The following WDR41 variants were observed in gnomAD, a reference collection of about 807,000 sequenced individuals.
The protein encoded by WDR41 is WD repeat-containing protein 41.
In WDR41, 63 loss-of-function variants were observed where a neutral mutation model predicts 69.3. The observed-to-expected ratio is 0.91, with a 90% CI of 0.74 to 1.12. The LOEUF (loss-of-function observed/expected upper bound fraction) is 1.12, where lower values mean the gene tolerates loss of function less well. Among genes scored for constraint, WDR41 ranks in the 50% most tolerant of loss-of-function variants. WDR41 has a pLI of 0.00. For missense variants in WDR41, 543 were observed against 534.5 expected, an observed-to-expected ratio of 1.02 and a Z score of -0.16; for synonymous variants, 185 against 192.1, an observed-to-expected ratio of 0.96 and a Z score of 0.31.
chr5:77,538,302 C>T (rs1376811290), intron 1 of WDR41, among the ~76,000 whole-genome samples: 1 of 152,216 alleles, frequency 6.6e-6, no homozygotes, highest in Non-Finnish European at 1.5e-5. Context: ...ATAACTTCCA[C>T]TTCCACTTTT....
At chr5:77,575,686 G>A (rs1231460047) in intron 1 of WDR41, among the ~76,000 whole-genome samples, 4 of 152,014 alleles carry the variant, frequency 2.6e-5, no homozygotes, top group African/African-American at 9.7e-5. Context: ...CAGCATACAG[G>A]AAAAATGCTA....
chr5:77,587,561 G>A (rs917830347), intron 1 of WDR41, among the ~76,000 whole-genome samples: 2 of 152,148 alleles, frequency 1.3e-5, no homozygotes, highest in Non-Finnish European at 2.9e-5. Context: ...TATATGAAGT[G>A]TTATCTTTTG....
At chr5:77,469,733 A>C (rs1354680084) in intron 2 of WDR41, among the ~76,000 whole-genome samples, 1 of 96,100 alleles carries the variant, frequency 1.0e-5, no homozygotes, top group Non-Finnish European at 1.9e-5. Flanking sequence ...TTTAGAGAAA[A>C]AAAGGATAAA....
chr5:77,596,874 G>T (rs1744237429), intron 1 of WDR41, among the ~76,000 whole-genome samples: 1 of 151,994 alleles, frequency 6.6e-6, no homozygotes, highest in South Asian at 2.1e-4. Context: ...TAGCACTTTG[G>T]GAGGGAGGTT....
upstream of WDR41, chr5:77,492,352 G>C (rs867289110): frequency 1.6e-6 from 2 of 1,239,846 alleles, no homozygotes; most frequent in African/African-American, 1.5e-5. Flanking sequence ...ATCAGCCCAC[G>C]GGCCGAAGGA....
At chr5:77,594,521 A>G (rs1744191606) in intron 1 of WDR41, among the ~76,000 whole-genome samples, 2 of 152,308 alleles carry the variant, frequency 1.3e-5, no homozygotes, top group South Asian at 4.1e-4. Context: ...GATTTTTAAA[A>G]TTTCTAACAA....
rs561144591 is a variant in WDR41 at position 77,500,106 on chromosome 5, C to T, written c.43-10534G>A. ...AGCTCACATGGAAAAATATAATCAA[C>T]GGTTGCCAATGACAAAACTACAGAT... On this transcript the variant is annotated intron_variant, in intron 1 of 5. Transcript: ENST00000509971. Among the ~76,000 whole-genome samples, 18 of 152,250 alleles carry T rather than the reference C, an allele frequency of 1.2e-4. 1 individual carries two copies. In the South Asian group the frequency reaches 2.7e-3, roughly 23 times the overall value.
At chr5:77,605,830 T>TA (rs1173262475) in intron 1 of WDR41, among the ~76,000 whole-genome samples, 7 of 151,974 alleles carry the variant, frequency 4.6e-5, no homozygotes, top group Non-Finnish European at 7.4e-5. Context: ...ATATGATAGG[T>TA]AAAAAAACTT....
At chr5:77,488,048 T>G (rs965469333) in intron 2 of WDR41, among the ~76,000 whole-genome samples, 3 of 152,194 alleles carry the variant, frequency 2.0e-5, no homozygotes, top group African/African-American at 7.2e-5. Flanking sequence ...ATAATAAAAC[T>G]GTAATCCTGT....
intron 1 of WDR41, among the ~76,000 whole-genome samples, chr5:77,532,951 G>A (rs552927630): frequency 2.0e-5 from 3 of 152,060 alleles, no homozygotes; most frequent in South Asian, 2.1e-4. Flanking sequence ...CTAAATTTTT[G>A]CTTTTTAATA....
At chr5:77,485,667 T>G (rs1801485036) in intron 2 of WDR41, among the ~76,000 whole-genome samples, 1 of 152,214 alleles carries the variant, frequency 6.6e-6, no homozygotes, top group African/African-American at 2.4e-5. Context: ...CAGCCCATTT[T>G]TTGGAAGACT....
chr5:77,432,820 A>AGT lies in WDR41; in HGVS notation c.*314_*315insAC, dbSNP rs1189572944. 1 of 198,766 alleles carries AGT rather than the reference A, an allele frequency of 5.0e-6. No individual in the cohort carries two copies. The highest frequency in any genetic ancestry group is 1.0e-5 in the Non-Finnish European group (1 of 99,566). 12.3% of individuals were successfully genotyped at this position (198,766 alleles called of 1,614,324 possible). A position where few individuals can be genotyped will look rare whatever the true frequency, so the allele number is the denominator to read the frequency against. On this transcript the variant is annotated 3_prime_UTR_variant, in exon 13 of 13. Coordinates refer to ENST00000296679, the MANE Select transcript of WDR41 (RefSeq NM_018268.4). The stretch of plus-strand genomic sequence containing the variant: ...AATAAAACTTCTAATAAATGCCATA[A>AGT]CTTAACTATTACCTCTATTTGTACC...
intron 8 of WDR41, among the ~76,000 whole-genome samples, chr5:77,442,178 C>A (rs1229090885): frequency 6.6e-6 from 1 of 152,070 alleles, no homozygotes; most frequent in Non-Finnish European, 1.5e-5. Context: ...TCCAACAATT[C>A]CACTTCTAGG....
intron 1 of WDR41, among the ~76,000 whole-genome samples, chr5:77,608,326 T>C (rs1744467403): frequency 6.6e-6 from 1 of 152,206 alleles, no homozygotes; most frequent in African/African-American, 2.4e-5. Flanking sequence ...ATCAAGCTGT[T>C]ACCACTTCAA....
chr5:77,454,487 A>G (rs1347042171), intron 5 of WDR41, among the ~76,000 whole-genome samples: 1 of 152,214 alleles, frequency 6.6e-6, no homozygotes. Context: ...TTACTAATAC[A>G]CAATTGCTTA....
At chr5:77,530,350 G>T (rs1452616237) in intron 1 of WDR41, among the ~76,000 whole-genome samples, 4 of 151,554 alleles carry the variant, frequency 2.6e-5, no homozygotes, top group Non-Finnish European at 1.5e-5. Context: ...ATTAATAAGA[G>T]CCCTGGACTG....
At chr5:77,615,500 A>G (rs1343868559) in intron 1 of WDR41, among the ~76,000 whole-genome samples, 1 of 151,986 alleles carries the variant, frequency 6.6e-6, no homozygotes, top group Admixed American at 6.6e-5. Context: ...TCATTGTACT[A>G]TTTTTTCTAC....
intron 1 of WDR41, among the ~76,000 whole-genome samples, chr5:77,569,833 A>T (rs1425833504): frequency 2.0e-5 from 3 of 152,202 alleles, no homozygotes; most frequent in Admixed American, 2.0e-4. Context: ...GCAAAGTTGT[A>T]GCTAGTTTGT....
chr5:77,590,864 G>A lies in WDR41; in HGVS notation c.42+29615C>T, dbSNP rs1478281755. 5.9e-5 allele frequency among the ~76,000 whole-genome samples: 9 copies of A among 152,270 alleles called. No individual in the cohort carries two copies. The South Asian group carries it at 1.2e-3, about 21-fold the overall frequency. On this transcript the variant is annotated intron_variant, in intron 1 of 5. Transcript: ENST00000509971. ...GTCTTTGTCAGGTTTTGTTAGAAAG[G>A]TTATGCTGGTCTCATAGAATGAGTT...
Sources: allele counts gnomAD v4.1 joint callset (sites outside exome capture counted in the v4.1 genomes callset), GRCh38; gene constraint gnomAD v4.1.1; transcripts MANE v1.5; gene names NCBI Gene and HGNC (gene_info 2026-07-23, HGNC 2026-07-21).